Variants in CYTH3 observed in about 807,000 individuals in gnomAD.
CYTH3 encodes cytohesin-3.
A neutral mutation model predicts 55.1 loss-of-function variants in CYTH3; 23 were observed. The ratio of observed to expected loss-of-function variants is 0.42; its 90% CI spans 0.30 to 0.59. The LOEUF is 0.59. CYTH3 is among the 20% of genes least tolerant of loss of function. CYTH3 has a pLI of 0.20. For synonymous variants in CYTH3, 249 were observed against 194.9 expected, an observed-to-expected ratio of 1.28 and a Z score of -2.31; for missense variants, 413 against 524.8, an observed-to-expected ratio of 0.79 and a Z score of 2.08.
At chr7:6,272,392 GC>G (rs1273356675) in intron 1 of CYTH3, 81 bp downstream of exon 1, 8 of 1,224,186 alleles carry the variant, frequency 6.5e-6, no homozygotes, top group African/African-American at 4.9e-5. Context: ...GCGAACCCCG[GC>G]CCAGCGCCGC....
chr7:6,171,190 C>G lies in CYTH3; in HGVS notation c.562+12G>C. 1.2e-6 allele frequency: 2 copies of G among 1,613,966 alleles called. No individual in the cohort carries two copies. The highest frequency in any genetic ancestry group is 1.7e-6 in the Non-Finnish European group (2 of 1,179,862). On this transcript the variant is annotated intron_variant, in intron 7 of 12. Coordinates refer to ENST00000350796, the MANE Select transcript of CYTH3 (RefSeq NM_004227.4). This position sits in a 1 kb window ranked among gnomAD's most constrained non-coding sequence, Gnocchi z 6.7. The stretch of plus-strand genomic sequence containing the variant: ...GCCTGGCAAGGGGCCAGGCTGTGGG[C>G]TCTGCACTGACCTGTGGACTGGAAG...
In CYTH3 at chr7:6,170,752, T is replaced by A; in HGVS notation, c.711+78A>T. ...GCGGCAAGGAGGCTTGGGAGGCGTG[T>A]CTAGAGCCGCGGGCGCTGCGGCCGC... On this transcript the variant is annotated intron_variant, in intron 8 of 12. Transcript: ENST00000350796. The surrounding 1 kb of genome is among the most constrained non-coding windows in gnomAD (Gnocchi z 7.8). 2 of 1,568,950 alleles carry A rather than the reference T, an allele frequency of 1.3e-6. No homozygotes were observed. The highest frequency in any genetic ancestry group is 1.7e-6 in the Non-Finnish European group (2 of 1,156,294).
chr7:6,228,634 CAACTTT>C (rs1779309043), intron 1 of CYTH3, among the ~76,000 whole-genome samples: 2 of 152,162 alleles, frequency 1.3e-5, no homozygotes, highest in African/African-American at 2.4e-5. Flanking sequence ...AAACCATGCT[CAACTTT>C]AACATTTCGC....
intron 3 of CYTH3, 78 bp downstream of exon 3, chr7:6,187,579 C>G (rs1783686855): frequency 7.5e-7 from 1 of 1,326,738 alleles, no homozygotes; most frequent in Admixed American, 1.7e-5. Flanking sequence ...TCTCACCCCA[C>G]TTTCTGCAAG....
intron 1 of CYTH3, among the ~76,000 whole-genome samples, chr7:6,226,016 T>G (rs1389618005): frequency 6.6e-6 from 1 of 152,084 alleles, no homozygotes; most frequent in African/African-American, 2.4e-5. Context: ...ACAAAAAAAT[T>G]TTTGTCTTTA....
chr7:6,187,010 C>A (rs776948105), intron 4 of CYTH3, 40 bp downstream of exon 4: 3 of 1,593,252 alleles, frequency 1.9e-6, no homozygotes, highest in Admixed American at 1.7e-5. Flanking sequence ...ATCAATTAGT[C>A]CATCTCCTGC....
intron 1 of CYTH3, among the ~76,000 whole-genome samples, chr7:6,214,631 A>G (rs1784388512): frequency 6.6e-6 from 1 of 152,190 alleles, no homozygotes; most frequent in African/African-American, 2.4e-5. Flanking sequence ...CCTCAGAACA[A>G]AACAAACTGA....
At chr7:6,166,144 G>A (rs1782998189) in intron 9 of CYTH3, among the ~76,000 whole-genome samples, 1 of 152,208 alleles carries the variant, frequency 6.6e-6, no homozygotes, top group Admixed American at 6.5e-5. Context: ...GCTCTGTCCA[G>A]GACCTGACCC....
At chr7:6,231,209 T>G (rs549030788) in intron 1 of CYTH3, among the ~76,000 whole-genome samples, 1 of 152,310 alleles carries the variant, frequency 6.6e-6, no homozygotes, top group South Asian at 2.1e-4. Context: ...GTTTAGTTAG[T>G]AGGGAACGCA....
chr7:6,244,628 C>G (rs552178353), intron 1 of CYTH3, among the ~76,000 whole-genome samples: 1 of 152,136 alleles, frequency 6.6e-6, no homozygotes, highest in East Asian at 1.9e-4. Context: ...TCACACCCAG[C>G]TTTTAATTTT....
At chr7:6,227,104 G>C (rs1779276323) in intron 1 of CYTH3, among the ~76,000 whole-genome samples, 1 of 148,994 alleles carries the variant, frequency 6.7e-6, no homozygotes, top group South Asian at 2.1e-4. Flanking sequence ...AAAGTGGAAA[G>C]GGCTGGCACA....
chr7:6,188,259 C>T (rs145275432), intron 2 of CYTH3, among the ~76,000 whole-genome samples: 7 of 151,424 alleles, frequency 4.6e-5, no homozygotes, highest in South Asian at 2.1e-4. Flanking sequence ...CATGAACCCA[C>T]GAGTTTGAGG....
At chr7:6,248,649 AC>A (rs1321215286) in intron 1 of CYTH3, among the ~76,000 whole-genome samples, 1 of 151,970 alleles carries the variant, frequency 6.6e-6, no homozygotes, top group African/African-American at 2.4e-5. Flanking sequence ...GCACAAGCCC[AC>A]CCCGGCTGCC....
In CYTH3 at chr7:6,167,182, G is replaced by A. The variant is rs889898320; in HGVS notation, c.824-1372C>T. ...GTTGCCCTCGTGTCCCTGTCTCACC[G>A]CGGGCTCCATGCTCTCTGCAAGCCC... On this transcript the variant is annotated intron_variant, in intron 9 of 12. Transcript: ENST00000350796. The surrounding 1 kb of genome is among the most constrained non-coding windows in gnomAD (Gnocchi z 5.5). Among the ~76,000 whole-genome samples the A allele has an allele frequency of 6.6e-6, 1 of 152,076 alleles. No individual in the cohort carries two copies. The highest frequency in any genetic ancestry group is 1.5e-5 in the Non-Finnish European group (1 of 68,010).
intron 3 of CYTH3, 94 bp from the exon 4 acceptor site, chr7:6,187,210 G>T: frequency 7.4e-7 from 1 of 1,352,414 alleles, no homozygotes; most frequent in Non-Finnish European, 1.1e-6. Context: ...GCAACAACGG[G>T]CTCAAGGAAG....
chr7:6,183,880 A>C (rs76469543), intron 4 of CYTH3, among the ~76,000 whole-genome samples: 7,827 of 151,788 alleles, frequency 0.052, 464 homozygotes, highest in East Asian at 0.29. Flanking sequence ...AGAGTGAGTA[A>C]GTTCTCCTTA....
intron 4 of CYTH3, among the ~76,000 whole-genome samples, chr7:6,182,494 A>G (rs1245553019): frequency 6.6e-6 from 1 of 152,134 alleles, no homozygotes; most frequent in Non-Finnish European, 1.5e-5. Context: ...CTACAGGCAC[A>G]TGCCACCACA....
Position 6,173,737 on chromosome 7 carries a change from G to T in CYTH3, c.369-4C>A. 4 of 1,577,284 alleles carry T rather than the reference G, an allele frequency of 2.5e-6. No homozygotes were observed. Among genetic ancestry groups the T allele is most frequent in the Non-Finnish European group, 3.5e-6 (4 of 1,146,870 alleles). On this transcript the variant is annotated splice_polypyrimidine_tract_variant and splice_region_variant and intron_variant, in intron 5 of 12. Transcript: ENST00000350796. ...AACTTTAATATTAAATTCATCCCTGGGAAAAAAAGAAGTAAGTTTCAAACC... is the reference window on the plus strand; with the variant it reads ...AACTTTAATATTAAATTCATCCCTGTGAAAAAAAGAAGTAAGTTTCAAACC...
chr7:6,172,685 G>C (rs1206319339), intron 6 of CYTH3: 1 of 1,058,984 alleles, frequency 9.4e-7, no homozygotes, highest in Admixed American at 4.9e-5. Context: ...GAAAGAAATG[G>C]AGTCACAGCT....
Sources: allele counts gnomAD v4.1 joint callset (sites outside exome capture counted in the v4.1 genomes callset), GRCh38; gene constraint gnomAD v4.1.1; non-coding constraint Gnocchi (gnomAD v3.1); transcripts MANE v1.5; gene names NCBI Gene and HGNC (gene_info 2026-07-23, HGNC 2026-07-21).